Variants in KMT2B observed in about 807,000 individuals in gnomAD.
KMT2B encodes the protein histone-lysine N-methyltransferase 2B.
A neutral mutation model predicts 255.3 loss-of-function variants in KMT2B; 22 were observed. The observed-to-expected ratio is 0.09, with a 90% CI of 0.06 to 0.12. The LOEUF is 0.12. Among genes scored for constraint, KMT2B ranks in the 10% least tolerant of loss-of-function variants. The probability of loss-of-function intolerance (pLI) is 1.00; values close to 1 mark genes in which losing one functional copy is unlikely to be tolerated. For synonymous variants in KMT2B, 1,730 were observed against 1,498.1 expected, an observed-to-expected ratio of 1.15 and a Z score of -3.57; for missense variants, 3,149 against 3,737.0, an observed-to-expected ratio of 0.84 and a Z score of 4.10.
At position 35,721,636 on chromosome 19, in the gene KMT2B, G is replaced by T. The variant is rs200332721; in HGVS notation, c.2289G>T (p.Pro763=). ...CACCACAGCCACAGCTGCAGCCACC[G>T]CCGTCACCACAGCAGATGCCTCCCC... ...LPPPQPQLQP[P]PSPQQMPPLE... is the part of the protein sequence containing the mutation. The change falls in exon 3 of 37, where the codon CCG becomes CCT. Residue 763 remains proline, a synonymous_variant. Transcript: ENST00000420124. 2 of 1,613,348 alleles carry T rather than the reference G, an allele frequency of 1.2e-6. No homozygotes were observed. The highest frequency in any genetic ancestry group is 1.3e-5 in the African/African-American group (1 of 75,036).
rs1969131591 is a variant in KMT2B at position 35,720,297 on chromosome 19, G to C, written c.950G>C (p.Gly317Ala). 1 of 1,613,422 alleles carries C rather than the reference G, an allele frequency of 6.2e-7. No homozygotes were observed. The highest frequency in any genetic ancestry group is 1.3e-5 in the African/African-American group (1 of 75,034). Residue 317 changes from glycine to alanine, a missense_variant, in exon 3 of 37, where the codon GGA (glycine) becomes GCA (alanine). This residue lies in a region of KMT2B where 1,188 missense variants were observed against 1,106.4 expected (regional missense o/e 1.07). Coordinates refer to ENST00000420124, the MANE Select transcript of KMT2B (RefSeq NM_014727.3). ...FVSRAKKVKMGQLSLGLESGQ... is the reference protein window; with the variant it reads ...FVSRAKKVKMAQLSLGLESGQ... ...TCAAGGGCCAAAAAAGTAAAGATGG[G>C]ACAATTGTCCTTGGGACTCGAATCA...
chr19:35,728,043 C>T (rs1376409744), intron 18 of KMT2B, 55 bp from the exon 19 acceptor site: 2 of 1,556,996 alleles, frequency 1.3e-6, no homozygotes, highest in Non-Finnish European at 1.7e-6. Context: ...GACCCTGCCC[C>T]TGCCAGCTCT....
rs1320088384 is a variant in KMT2B at position 35,721,135 on chromosome 19, C to G, written c.1788C>G (p.Leu596=). 1 of 1,605,646 alleles carries G rather than the reference C, an allele frequency of 6.2e-7. No homozygotes were observed. The highest frequency in any genetic ancestry group is 8.5e-7 in the Non-Finnish European group (1 of 1,176,804). ...APTPPSTPVP[L]PEKRRSILRE... is the part of the protein sequence containing the mutation. ...CTCCTCCATCTACCCCAGTTCCACT[C>G]CCTGAGAAGAGACGGTCCATCCTAA... The change falls in exon 3 of 37, where the codon CTC becomes CTG. Residue 596 remains leucine (L), a synonymous_variant. Coordinates refer to ENST00000420124, the MANE Select transcript of KMT2B (RefSeq NM_014727.3).
Position 35,718,735 on chromosome 19 carries a change from C to G in KMT2B, c.363+354C>G, listed in dbSNP as rs1165995703. ...GTTGACAGCGGCAGCGTGGCCTTGG[C>G]AGACAGGTTGGAGCTGTCTGGGCTC... On this transcript the variant is annotated intron_variant, in intron 1 of 36. Coordinates refer to ENST00000420124, the MANE Select transcript of KMT2B (RefSeq NM_014727.3). The surrounding 1 kb of genome is among the most constrained non-coding windows in gnomAD (Gnocchi z 5.0). 2.0e-5 allele frequency among the ~76,000 whole-genome samples: 3 copies of G among 152,218 alleles called. No individual in the cohort carries two copies. The highest frequency in any genetic ancestry group is 2.9e-5 in the Non-Finnish European group (2 of 68,036).
intron 2 of KMT2B, 120 bp downstream of exon 2, chr19:35,719,661 T>C (rs1423700198): frequency 1.3e-6 from 2 of 1,510,414 alleles, no homozygotes; most frequent in Non-Finnish European, 1.8e-6. Context: ...GTGTTCAGAG[T>C]CCAAGCTAGT....
In KMT2B at chr19:35,733,046, TCCCAGGGGC is replaced by T. The variant is rs778978500; in HGVS notation, c.6506_6514del (p.Ala2169_Gly2171del). 78 of 1,584,778 alleles carry T rather than the reference TCCCAGGGGC, an allele frequency of 4.9e-5. No homozygotes were observed. The highest frequency in any genetic ancestry group is 6.2e-5 in the Non-Finnish European group (72 of 1,166,042). On this transcript the variant is annotated inframe_deletion, in exon 28 of 37. Coordinates refer to ENST00000420124, the MANE Select transcript of KMT2B (RefSeq NM_014727.3). This position sits in a 1 kb window ranked among gnomAD's most constrained non-coding sequence, Gnocchi z 4.3. Reference sequence around the variant, plus strand: ...GACCCCACCCGCACATTTGCCTGGCTCCCAGGGGCCCCAGGGGTCCGGGTGTTAAGCCTT... The same window carrying T: ...GACCCCACCCGCACATTTGCCTGGCTCCCAGGGGTCCGGGTGTTAAGCCTT...
intron 1 of KMT2B, among the ~76,000 whole-genome samples, chr19:35,719,071 C>T (rs1599666994): frequency 1.3e-5 from 2 of 152,288 alleles, no homozygotes; most frequent in South Asian, 2.1e-4. Flanking sequence ...CTTGCGGGCC[C>T]CTGTTCCCAA....
Position 35,724,973 on chromosome 19 carries a change from C to A in KMT2B, c.3430-16C>A, listed in dbSNP as rs200100228. 5 of 1,577,392 alleles carry A rather than the reference C, an allele frequency of 3.2e-6. No homozygotes were observed. The South Asian group carries it at 3.3e-5, about 10-fold the overall frequency. The stretch of plus-strand genomic sequence containing the variant: ...CCAGGCTGGCAGCTCTGAATTCCCC[C>A]ACCTTTCCTCCCCAGGATGCTTTGG... On this transcript the variant is annotated splice_polypyrimidine_tract_variant and intron_variant, in intron 9 of 36. Coordinates refer to ENST00000420124, the MANE Select transcript of KMT2B (RefSeq NM_014727.3).
In KMT2B at chr19:35,723,674, C is replaced by A; in HGVS notation, c.3059-58C>A. ...TGCCCCGCTTCTTTCTGGCTTCTCT[C>A]CCAGTGTCCCATGTCCCTGGCTGAG... On this transcript the variant is annotated intron_variant, in intron 7 of 36. Coordinates refer to ENST00000420124, the MANE Select transcript of KMT2B (RefSeq NM_014727.3). The surrounding 1 kb of genome is among the most constrained non-coding windows in gnomAD (Gnocchi z 7.5). 1 of 1,437,324 alleles carries A rather than the reference C, an allele frequency of 7.0e-7. No homozygotes were observed. 89.0% of individuals were successfully genotyped at this position (1,437,324 alleles called of 1,614,324 possible). A position where few individuals can be genotyped will look rare whatever the true frequency, so the allele number is the denominator to read the frequency against.
chr19:35,728,738 T>C (rs750206027), intron 19 of KMT2B, 36 bp from the exon 20 acceptor site: 88 of 1,553,068 alleles, frequency 5.7e-5, no homozygotes, highest in Admixed American at 1.2e-4. Flanking sequence ...GCTGCCCTTG[T>C]TGGGCACATC....
At chr19:35,719,424 G>C in intron 1 of KMT2B, 45 bp from the exon 2 acceptor site, 1 of 1,385,598 alleles carries the variant, frequency 7.2e-7, no homozygotes, top group Non-Finnish European at 1.0e-6. Flanking sequence ...GAGGGCTTTG[G>C]CACTGACTGC....
rs775046803 is a variant in KMT2B at position 35,723,832 on chromosome 19, G to C, written c.3159G>C (p.Gly1053=). ...PGPRRGAGAG[G]PREEVVAHPG... ...CACGCCGGGGGGCGGGAGCTGGGGG[G>C]CCCCGGGAGGAGGTGGTGGCCCACC... Residue 1053 remains glycine, a synonymous_variant, in exon 8 of 37, where the codon GGG becomes GGC. Coordinates refer to ENST00000420124, the MANE Select transcript of KMT2B (RefSeq NM_014727.3). This position sits in a 1 kb window ranked among gnomAD's most constrained non-coding sequence, Gnocchi z 7.5. 1 of 1,596,382 alleles carries C rather than the reference G, an allele frequency of 6.3e-7. No individual in the cohort carries two copies. Among genetic ancestry groups the C allele is most frequent in the Admixed American group, 1.7e-5 (1 of 57,426 alleles).
chr19:35,730,182 A>G, intron 23 of KMT2B, 57 bp downstream of exon 23: 3 of 1,608,928 alleles, frequency 1.9e-6, no homozygotes. Flanking sequence ...CTGTTCACTT[A>G]GGGACCCCCG....
At position 35,729,270 on chromosome 19, in the gene KMT2B, G is replaced by T. The variant is rs1209189276; in HGVS notation, c.4891G>T (p.Ala1631Ser). 1.9e-6 allele frequency: 3 copies of T among 1,601,700 alleles called. No homozygotes were observed. The highest frequency in any genetic ancestry group is 2.7e-5 in the African/African-American group (2 of 74,730). ...CGACGGCTCCCTCAAGAATGTGCAT[G>T]CTGCTGTGGCCCGAGGGAGGCAGAT... is the stretch of plus-strand genomic sequence containing the variant. ...ENDGSLKNVH[A>S]AVARGRQMRC... Residue 1631 changes from alanine (A) to serine (S), a missense_variant, in exon 22 of 37, where the codon GCT becomes TCT. Ala to Ser is a moderately conservative substitution (Grantham distance 99). Transcript: ENST00000420124.
Position 35,720,036 on chromosome 19 carries a change from C to G in KMT2B, c.689C>G (p.Pro230Arg), listed in dbSNP as rs771578498. 2 of 1,612,056 alleles carry G rather than the reference C, an allele frequency of 1.2e-6. No individual in the cohort carries two copies. Among genetic ancestry groups the G allele is most frequent in the Non-Finnish European group, 1.7e-6 (2 of 1,179,184 alleles). Residue 230 changes from proline (P) to arginine (R), a missense_variant, in exon 3 of 37, where the codon CCC becomes CGC. By Grantham distance (103) the Pro-to-Arg change is moderately radical. Coordinates refer to ENST00000420124, the MANE Select transcript of KMT2B (RefSeq NM_014727.3). ...CGGCCCCCAGGACGGCCAGCAGGCC[C>G]CTGCAGGAGGAAGCAGCAAGCAGTA... ...RGRPPGRPAG[P>R]CRRKQQAVVV... is the part of the protein sequence containing the mutation.
rs933019960 is a variant in KMT2B, at chr19:35,738,766, A to T, written c.*209A>T. ...CCCCTTTCTGCCCTGGGGGCCCAGG[A>T]TGTAGATATTGTACAAAGGTTTCTA... On this transcript the variant is annotated 3_prime_UTR_variant, in exon 37 of 37. Coordinates refer to ENST00000420124, the MANE Select transcript of KMT2B (RefSeq NM_014727.3). The surrounding 1 kb of genome is among the most constrained non-coding windows in gnomAD (Gnocchi z 8.7). The T allele has an allele frequency of 8.3e-6, 5 of 603,968 alleles. No homozygotes were observed. The highest frequency in any genetic ancestry group is 1.5e-5 in the Non-Finnish European group (5 of 344,004). The allele number at this position is 603,968 out of a possible 1,614,324, so 37.4% of individuals were successfully genotyped here.
Position 35,732,263 on chromosome 19 carries a change from A to G in KMT2B, c.5714A>G (p.Asp1905Gly). The G allele has an allele frequency of 6.2e-7, 1 of 1,606,960 alleles. No individual in the cohort carries two copies. The highest frequency in any genetic ancestry group is 8.5e-7 in the Non-Finnish European group (1 of 1,176,358). ...CACATCCCCACAGTGGGAGACCCGG[A>G]CTTCCCAGCTCCCCCCAGACGTTCC... ...THHIPTVGDP[D>G]FPAPPRRSRR... is the part of the protein sequence containing the mutation. The change falls in exon 28 of 37, where the codon GAC (aspartate) becomes GGC (glycine). Residue 1905 changes from aspartate (D) to glycine (G), a missense_variant. Asp to Gly is a moderately conservative substitution (Grantham distance 94). Transcript: ENST00000420124.
intron 22 of KMT2B, 63 bp from the exon 23 acceptor site, chr19:35,729,904 C>T (rs1969625377): frequency 6.6e-7 from 1 of 1,509,396 alleles, no homozygotes; most frequent in African/African-American, 1.4e-5. Context: ...GACTCAGTGA[C>T]AGTGGTGCCT....
intron 14 of KMT2B, among the ~76,000 whole-genome samples, chr19:35,726,876 C>T (rs1228151760): frequency 6.7e-6 from 1 of 149,912 alleles, no homozygotes; most frequent in Admixed American, 6.7e-5. Flanking sequence ...CTCAGCTACT[C>T]GGGAGGCTGA....
Sources: gnomAD v4.1 joint callset for allele counts (sites outside exome capture counted in the v4.1 genomes callset) on GRCh38, gnomAD v4.1.1 for gene constraint, gnomAD v4.1.1 regional missense constraint, Gnocchi (gnomAD v3.1) non-coding constraint, MANE v1.5 for transcripts, NCBI Gene and HGNC (gene_info 2026-07-23, HGNC 2026-07-21) for gene names.